The following TDRD7 variants were observed in gnomAD, a reference collection of about 807,000 sequenced individuals.
TDRD7 encodes the protein tudor domain containing 7, also known as tudor domain-containing protein 7.
A neutral mutation model predicts 109.8 loss-of-function variants in TDRD7; 47 were observed. The observed-to-expected ratio is 0.43, with a 90% CI of 0.34 to 0.55. The LOEUF (loss-of-function observed/expected upper bound fraction) is 0.55, where lower values mean the gene tolerates loss of function less well. TDRD7 is among the 20% of genes least tolerant of loss of function. The pLI is 0.03. For missense variants in TDRD7, 1,164 were observed against 1,319.2 expected (o/e 0.88, Z 1.82); for synonymous variants, 424 against 457.3 (o/e 0.93, Z 0.93).
chr9:97,478,803 A>G (rs1330957822), intron 13 of TDRD7, among the ~76,000 whole-genome samples: 1 of 152,250 alleles, frequency 6.6e-6, no homozygotes, highest in Non-Finnish European at 1.5e-5. Flanking sequence ...AAGAGCATCC[A>G]GTCATTAAGC....
At chr9:97,464,679 TA>T in intron 7 of TDRD7, among the ~76,000 whole-genome samples, 162 bp from the exon 8 acceptor site, 1 of 152,258 alleles carries the variant, frequency 6.6e-6, no homozygotes. Context: ...TTTCAAGAGA[TA>T]AGTATTTCAC....
chr9:97,468,350 A>G (rs1828853496), intron 8 of TDRD7, among the ~76,000 whole-genome samples: 1 of 152,252 alleles, frequency 6.6e-6, no homozygotes, highest in Admixed American at 6.5e-5. Context: ...CACAGAAGCC[A>G]GAAAAAGAAA....
At chr9:97,468,208 G>A (rs1010587937) in intron 8 of TDRD7, among the ~76,000 whole-genome samples, 3 of 152,222 alleles carry the variant, frequency 2.0e-5, no homozygotes, top group African/African-American at 4.8e-5. Context: ...ATCCCCTAGA[G>A]AGAGAATACA....
intron 6 of TDRD7, among the ~76,000 whole-genome samples, chr9:97,452,908 A>G (rs1380916132): frequency 1.3e-5 from 2 of 152,214 alleles, no homozygotes; most frequent in Admixed American, 1.3e-4. Flanking sequence ...TAGAGGTTTG[A>G]TAGGTATGTT....
chr9:97,449,760 A>G (rs1483223814), intron 6 of TDRD7, among the ~76,000 whole-genome samples: 1 of 152,090 alleles, frequency 6.6e-6, no homozygotes, highest in East Asian at 1.9e-4. Flanking sequence ...CAACCCTCTA[A>G]TCCTGCCTTG....
At chr9:97,467,071 A>C (rs1828832492) in intron 8 of TDRD7, among the ~76,000 whole-genome samples, 1 of 152,178 alleles carries the variant, frequency 6.6e-6, no homozygotes, top group South Asian at 2.1e-4. Flanking sequence ...CCTTTGGTCA[A>C]GTCCCTCCAT....
chr9:97,488,147 C>T (rs1216116218), intron 16 of TDRD7, among the ~76,000 whole-genome samples: 5 of 152,216 alleles, frequency 3.3e-5, no homozygotes, highest in Admixed American at 2.6e-4. Context: ...CCCCTGTGAG[C>T]ACCCTACCAT....
chr9:97,486,558 G>T lies in TDRD7; in HGVS notation c.2916-614G>T, dbSNP rs185490668. 3.1e-3 allele frequency among the ~76,000 whole-genome samples: 477 copies of T among 152,078 alleles called. 3 individuals carry two copies. The highest frequency in any genetic ancestry group is 6.0e-3 in the Admixed American group (91 of 15,288). On this transcript the variant is annotated intron_variant, in intron 15 of 16. Coordinates refer to ENST00000355295, the MANE Select transcript of TDRD7 (RefSeq NM_014290.3). ...TAATGACCTTGTCATAATTAAAATT[G>T]CAAACTTTTTTTGTACAAAACTGAT...
At position 97,473,398 on chromosome 9, in the gene TDRD7, A is replaced by G. The variant is rs570974146; in HGVS notation, c.1945-94A>G. On this transcript the variant is annotated intron_variant, in intron 10 of 16. Coordinates refer to ENST00000355295, the MANE Select transcript of TDRD7 (RefSeq NM_014290.3). The stretch of plus-strand genomic sequence containing the variant: ...AACTTAAAGATTTTAAAATGCAAAG[A>G]CTTGTTATGGGATGTTTAGGTAGAT... 4.6e-4 allele frequency: 715 copies of G among 1,538,000 alleles called. 1 individual carries two copies. In the African/African-American group the frequency reaches 8.7e-3, roughly 19 times the overall value.
At chr9:97,453,992 CA>C (rs1828555549) in intron 6 of TDRD7, among the ~76,000 whole-genome samples, 1 of 152,148 alleles carries the variant, frequency 6.6e-6, no homozygotes, top group Admixed American at 6.5e-5. Flanking sequence ...ACCAACAAGA[CA>C]GAAAATTAAC....
intron 4 of TDRD7, among the ~76,000 whole-genome samples, chr9:97,434,708 A>T (rs968905670): frequency 2.0e-5 from 3 of 152,164 alleles, no homozygotes; most frequent in Non-Finnish European, 2.9e-5. Context: ...ATGTTAACAC[A>T]AAAACCTGTC....
At chr9:97,427,057 C>T (rs912681570) in intron 1 of TDRD7, among the ~76,000 whole-genome samples, 6 of 152,082 alleles carry the variant, frequency 3.9e-5, no homozygotes, top group African/African-American at 1.4e-4. Context: ...GTGGACATTG[C>T]AATAATATAA....
intron 16 of TDRD7, among the ~76,000 whole-genome samples, chr9:97,491,445 T>C (rs76398700): frequency 0.01 from 1,554 of 152,348 alleles, 34 homozygotes; most frequent in African/African-American, 0.036. Context: ...TTTCCTTCCA[T>C]ATCACTTGTA....
intron 11 of TDRD7, 78 bp downstream of exon 11, chr9:97,473,704 T>C (rs1828961840): frequency 1.3e-6 from 2 of 1,598,268 alleles, no homozygotes; most frequent in African/African-American, 1.3e-5. Context: ...TGCATAAGTA[T>C]GAACAATTTT....
At chr9:97,473,118 G>T (rs991392903) in intron 10 of TDRD7, among the ~76,000 whole-genome samples, 1 of 152,282 alleles carries the variant, frequency 6.6e-6, no homozygotes, top group South Asian at 2.1e-4. Context: ...ATTTGATTTT[G>T]TGAGAGTTTA....
At chr9:97,415,436 T>G (rs1167306269) in intron 1 of TDRD7, among the ~76,000 whole-genome samples, 1 of 152,192 alleles carries the variant, frequency 6.6e-6, no homozygotes, top group Non-Finnish European at 1.5e-5. Flanking sequence ...TAGGACTTCC[T>G]TGGGCCATTT....
At chr9:97,439,505 T>C (rs930895482) in intron 5 of TDRD7, among the ~76,000 whole-genome samples, 187 bp downstream of exon 5, 11 of 152,164 alleles carry the variant, frequency 7.2e-5, no homozygotes, top group Non-Finnish European at 1.0e-4. Context: ...CCCAAAGATA[T>C]CATTATCTAA....
intron 1 of TDRD7, among the ~76,000 whole-genome samples, chr9:97,417,609 A>G (rs1827831700): frequency 6.6e-6 from 1 of 152,174 alleles, no homozygotes; most frequent in African/African-American, 2.4e-5. Flanking sequence ...CATCTTACAG[A>G]TAAAGAGAAT....
rs907481225 is a variant in TDRD7, at chr9:97,478,504, T to C, written c.2232T>C (p.Ser744=). 1 of 1,613,966 alleles carries C rather than the reference T, an allele frequency of 6.2e-7. No individual in the cohort carries two copies. The highest frequency in any genetic ancestry group is 1.3e-5 in the African/African-American group (1 of 74,900). ...TCCTGGACTCTGGCACTGTGACATC[T>C]GTAAAAGTGTCAGAGCTCAGGGAAA... The part of the protein sequence containing the change: ...VQFLDSGTVT[S]VKVSELREIP... The change falls in exon 13 of 17, where the codon TCT becomes TCC. Residue 744 remains serine, a synonymous_variant. Coordinates refer to ENST00000355295, the MANE Select transcript of TDRD7 (RefSeq NM_014290.3).
Sources: allele counts gnomAD v4.1 joint callset (sites outside exome capture counted in the v4.1 genomes callset), GRCh38; gene constraint gnomAD v4.1.1; transcripts MANE v1.5; gene names NCBI Gene and HGNC (gene_info 2026-07-23, HGNC 2026-07-21).